The following ZNF540 variants were observed in gnomAD, a reference collection of about 807,000 sequenced individuals.
ZNF540 encodes the protein zinc finger protein 540.
A neutral mutation model predicts 11.8 loss-of-function variants in ZNF540; 3 were observed. That is an observed-to-expected ratio of 0.25 (90% CI 0.12 to 0.65). The LOEUF is 0.65. ZNF540 is among the 30% of genes least tolerant of loss of function. ZNF540 has a pLI of 0.83. For missense variants in ZNF540, 709 were observed against 793.1 expected (o/e 0.89, Z 1.27); for synonymous variants, 247 against 259.0 (o/e 0.95, Z 0.45).
At chr19:37,566,541 C>T (rs1568342926) in intron 1 of ZNF540, 2 of 383,340 alleles carry the variant, frequency 5.2e-6, no homozygotes, top group African/African-American at 2.1e-5. Flanking sequence ...GGCTTAGAGA[C>T]ACCCAGGAGG....
At chr19:37,584,636 A>C (rs1190697952) in intron 1 of ZNF540, among the ~76,000 whole-genome samples, 2 of 152,216 alleles carry the variant, frequency 1.3e-5, no homozygotes, top group Non-Finnish European at 2.9e-5. Flanking sequence ...TTTTACATAC[A>C]AAATGATCTG....
At chr19:37,578,824 C>T (rs1487783440) in intron 1 of ZNF540, among the ~76,000 whole-genome samples, 1 of 152,236 alleles carries the variant, frequency 6.6e-6, no homozygotes, top group Non-Finnish European at 1.5e-5. Flanking sequence ...GCAACCGCAC[C>T]TCCGCCTAAA....
chr19:37,603,154 C>T (rs564588022), intron 4 of ZNF540, among the ~76,000 whole-genome samples: 1 of 151,962 alleles, frequency 6.6e-6, no homozygotes, highest in African/African-American at 2.4e-5. Flanking sequence ...ATTACAGGCG[C>T]CTGCCACCAC....
At chr19:37,564,966 G>C in intron 1 of ZNF540, 3 of 1,613,202 alleles carry the variant, frequency 1.9e-6, no homozygotes, top group Non-Finnish European at 2.5e-6. Flanking sequence ...TATGTAAGTT[G>C]TGTAGCACGT....
intron 1 of ZNF540, chr19:37,564,371 G>A (rs1326211473): frequency 2.7e-6 from 1 of 372,632 alleles, no homozygotes; most frequent in Non-Finnish European, 4.7e-6. Context: ...TTAGGATATG[G>A]TGAAATGGAG....
In ZNF540 at chr19:37,595,031, A is replaced by G. The variant is rs1053423844; in HGVS notation, c.-137A>G. 6.6e-6 allele frequency: 1 copy of G among 152,184 alleles called. No homozygotes were observed. Among genetic ancestry groups the G allele is most frequent in the Admixed American group, 6.5e-5 (1 of 15,276 alleles). The allele number at this position is 152,184 out of a possible 1,614,324, so 9.4% of individuals were successfully genotyped here. ...CAGAGAATCTCACACAAAGAGGTTGAGTCTTGCCGTGGTGCCTTCAGGGGA... is the reference window on the plus strand; with the variant it reads ...CAGAGAATCTCACACAAAGAGGTTGGGTCTTGCCGTGGTGCCTTCAGGGGA... On this transcript the variant is annotated 5_prime_UTR_variant, in exon 1 of 5. An upstream open reading frame in the 5' UTR loses its in-frame stop. Transcript: ENST00000316433.
At position 37,609,866 on chromosome 19, in the gene ZNF540, G is replaced by GA. The variant is rs1008153290; in HGVS notation, c.233-1638dup. 5.4e-5 allele frequency among the ~76,000 whole-genome samples: 8 copies of GA among 149,052 alleles called. No homozygotes were observed. The East Asian group carries it at 7.8e-4, about 15-fold the overall frequency. Reference sequence around the variant, plus strand: ...CCATCTCAAAAAATAAAGAAAGAAAGAAAAAAAAAGAAAAGAAAAAAACAG... The same window carrying GA: ...CCATCTCAAAAAATAAAGAAAGAAAGAAAAAAAAAAGAAAAGAAAAAAACAG... On this transcript the variant is annotated intron_variant, in intron 4 of 4. Coordinates refer to ENST00000316433, the MANE Select transcript of ZNF540 (RefSeq NM_001172225.3).
At chr19:37,551,650 C>G (rs923727404) in exon 1 of ZNF540, 1 of 152,374 alleles carries the variant, frequency 6.6e-6, no homozygotes. Flanking sequence ...AACGTTGTCC[C>G]GCCTGGGATT....
At chr19:37,599,174 TGATC>T (rs1412086881) in intron 2 of ZNF540, among the ~76,000 whole-genome samples, 1 of 140,620 alleles carries the variant, frequency 7.1e-6, no homozygotes. Flanking sequence ...ATCAATCGAT[TGATC>T]GATAGATAGA....
chr19:37,608,638 AG>A, intron 4 of ZNF540, among the ~76,000 whole-genome samples: 1 of 138,046 alleles, frequency 7.2e-6, no homozygotes, highest in African/African-American at 2.5e-5. Context: ...CATAGTAAAT[AG>A]GCCTTTAGGA....
intron 1 of ZNF540, chr19:37,597,608 G>A (rs1330388836): frequency 1.3e-5 from 2 of 152,216 alleles, no homozygotes; most frequent in African/African-American, 4.8e-5. Flanking sequence ...TGTATTTTTA[G>A]TAGAGACGGG....
intron 1 of ZNF540, chr19:37,556,170 A>C (rs1277765104): frequency 8.6e-6 from 6 of 697,872 alleles, no homozygotes; most frequent in Non-Finnish European, 1.0e-5. Context: ...CTCTGGGAAC[A>C]GTACACATAA....
intron 2 of ZNF540, among the ~76,000 whole-genome samples, chr19:37,599,171 G>A (rs934184084): frequency 4.2e-5 from 6 of 141,656 alleles, no homozygotes; most frequent in African/African-American, 9.8e-5. Flanking sequence ...TTGATCAATC[G>A]ATTGATCGAT....
intron 4 of ZNF540, among the ~76,000 whole-genome samples, chr19:37,603,057 C>G (rs190748262): frequency 7.5e-4 from 102 of 136,768 alleles, no homozygotes; most frequent in African/African-American, 2.5e-3. Flanking sequence ...GCCTAGGCTG[C>G]AGTGCAATGG....
At chr19:37,564,730 G>A (rs1465293996) in intron 1 of ZNF540, 2 of 1,613,472 alleles carry the variant, frequency 1.2e-6, no homozygotes, top group South Asian at 1.1e-5. Flanking sequence ...CACGACTAAA[G>A]GCCCTCCCAC....
intron 4 of ZNF540, among the ~76,000 whole-genome samples, chr19:37,607,834 A>G (rs76332715): frequency 3.5e-4 from 53 of 152,366 alleles, no homozygotes; most frequent in African/African-American, 1.3e-3. Context: ...CAAAGAAATG[A>G]TTGCTGAGTA....
intron 1 of ZNF540, among the ~76,000 whole-genome samples, chr19:37,556,816 A>G (rs2042664807): frequency 6.6e-6 from 1 of 152,216 alleles, no homozygotes; most frequent in African/African-American, 2.4e-5. Flanking sequence ...AGTAGGGCTA[A>G]AGGAAGGAGA....
rs1196809720 is a variant in ZNF540, at chr19:37,558,469, C to T, written c.-73+6804C>T. Among the ~76,000 whole-genome samples, 5 of 152,052 alleles carry T rather than the reference C, an allele frequency of 3.3e-5. No homozygotes were observed. The East Asian group carries it at 7.7e-4, about 23-fold the overall frequency. ...TGCTCTAAAAACGGTCCTGGTGACT[C>T]ATCATGCCCCTGGATGACTTCATTC... On this transcript the variant is annotated intron_variant, in intron 1 of 4. Coordinates refer to the ZNF540 transcript ENST00000592533.
chr19:37,575,265 G>C (rs756445236), intron 1 of ZNF540, among the ~76,000 whole-genome samples: 1 of 152,112 alleles, frequency 6.6e-6, no homozygotes, highest in African/African-American at 2.4e-5. Context: ...TATTATGCTT[G>C]ATTGTACATT....
Sources: gnomAD v4.1 joint callset for allele counts (sites outside exome capture counted in the v4.1 genomes callset) on GRCh38, gnomAD v4.1.1 for gene constraint, MANE v1.5 for transcripts, NCBI Gene and HGNC (gene_info 2026-07-23, HGNC 2026-07-21) for gene names.